The following MFHAS1 variants were observed in gnomAD, a reference collection of about 807,000 sequenced individuals.
MFHAS1 encodes malignant fibrous histiocytoma-amplified sequence 1.
Under a neutral mutation model 70.4 loss-of-function variants are expected in MFHAS1, and 50 were observed. The ratio of observed to expected loss-of-function variants is 0.71; its 90% CI spans 0.57 to 0.90. MFHAS1 has a LOEUF of 0.90. Ranked by LOEUF, MFHAS1 falls within the 40% of genes least tolerant of loss-of-function variation. The pLI, the probability that MFHAS1 is intolerant of heterozygous loss-of-function variation, is 0.00. For missense variants in MFHAS1, 1,795 were observed against 1,347.6 expected, an observed-to-expected ratio of 1.33 and a Z score of -5.20; for synonymous variants, 952 against 620.0, an observed-to-expected ratio of 1.54 and a Z score of -7.96.
intron 1 of MFHAS1, among the ~76,000 whole-genome samples, chr8:8,822,790 G>C (rs1349212260): frequency 6.6e-6 from 1 of 151,014 alleles, no homozygotes; most frequent in Non-Finnish European, 1.5e-5. Flanking sequence ...AACCAAGCCA[G>C]GGGGATTTAG....
At chr8:8,876,878 G>C (rs1033052444) in intron 1 of MFHAS1, among the ~76,000 whole-genome samples, 10 of 151,776 alleles carry the variant, frequency 6.6e-5, no homozygotes, top group Admixed American at 2.0e-4. Context: ...AGGTTGCAGT[G>C]AGCCAAGATC....
intron 1 of MFHAS1, among the ~76,000 whole-genome samples, chr8:8,863,504 ATATT>A (rs1438435890): frequency 6.6e-6 from 1 of 152,122 alleles, no homozygotes; most frequent in Non-Finnish European, 1.5e-5. Context: ...ACTGTTACCT[ATATT>A]TATTACCACG....
At chr8:8,850,563 C>G (rs535089215) in intron 1 of MFHAS1, among the ~76,000 whole-genome samples, 1 of 152,044 alleles carries the variant, frequency 6.6e-6, no homozygotes, top group Admixed American at 6.6e-5. Context: ...CACCCAGGGT[C>G]GGGTGCGGTA....
Position 8,857,769 on chromosome 8 carries a change from A to C in MFHAS1, c.2998+32292T>G, listed in dbSNP as rs564878730. ...AGCAAGACTCCGTCTCAAAAAAAAA[A>C]CAAAAAAAAATCTTTTGTTTGTAAA... On this transcript the variant is annotated intron_variant, in intron 1 of 2. Coordinates refer to ENST00000276282, the MANE Select transcript of MFHAS1 (RefSeq NM_004225.3). Among the ~76,000 whole-genome samples the C allele has an allele frequency of 1.7e-3, 251 of 151,794 alleles. 1 individual carries two copies. The highest frequency in any genetic ancestry group is 2.8e-3 in the Non-Finnish European group (190 of 68,002).
intron 1 of MFHAS1, among the ~76,000 whole-genome samples, chr8:8,876,213 T>C (rs118063554): frequency 0.015 from 2,221 of 152,318 alleles, 26 homozygotes; most frequent in Non-Finnish European, 0.022. Context: ...CCCAGCAGTC[T>C]ACTCCAAGAG....
chr8:8,787,237 C>T (rs186645125), intron 2 of MFHAS1, among the ~76,000 whole-genome samples: 2 of 152,250 alleles, frequency 1.3e-5, no homozygotes, highest in Admixed American at 6.5e-5. Flanking sequence ...CCCGCCACCA[C>T]ACGCGGCTAA....
intron 1 of MFHAS1, among the ~76,000 whole-genome samples, chr8:8,882,645 T>C (rs908520508): frequency 1.3e-5 from 2 of 151,778 alleles, no homozygotes; most frequent in African/African-American, 2.4e-5. Flanking sequence ...AAAATGAGAG[T>C]TTGAGTTCTT....
chr8:8,880,885 G>T (rs191063598), intron 1 of MFHAS1, among the ~76,000 whole-genome samples: 2 of 151,896 alleles, frequency 1.3e-5, no homozygotes, highest in African/African-American at 2.4e-5. Flanking sequence ...AGGGTTCACC[G>T]CATTGGCCAA....
In MFHAS1 at chr8:8,833,276, C is replaced by T. The variant is rs536069511; in HGVS notation, c.2999-35785G>A. Among the ~76,000 whole-genome samples the T allele has an allele frequency of 1.4e-4, 21 of 152,222 alleles. No individual in the cohort carries two copies. The South Asian group carries it at 4.2e-3, about 30-fold the overall frequency. ...ATGAGATTTGTGTGGGGACATAGAT[C>T]CAAATCATATCAGAATGTAATGGTA... On this transcript the variant is annotated intron_variant, in intron 1 of 2. Transcript: ENST00000276282.
At position 8,794,945 on chromosome 8, in the gene MFHAS1, G is replaced by A. The variant is rs111721564; in HGVS notation, c.3125+2420C>T. 6.7e-3 allele frequency among the ~76,000 whole-genome samples: 1,020 copies of A among 152,238 alleles called. 12 individuals carry two copies. The highest frequency in any genetic ancestry group is 0.048 in the South Asian group (233 of 4,818). ...GTTGGTATAAACGTGGTCTTTCTGCGGCAGTACAAGAAGCCCATGGGAAAA... is the reference window on the plus strand; with the variant it reads ...GTTGGTATAAACGTGGTCTTTCTGCAGCAGTACAAGAAGCCCATGGGAAAA... On this transcript the variant is annotated intron_variant, in intron 2 of 2. Transcript: ENST00000276282.
chr8:8,851,992 C>T (rs545389345), intron 1 of MFHAS1, among the ~76,000 whole-genome samples: 6 of 152,248 alleles, frequency 3.9e-5, no homozygotes, highest in African/African-American at 1.4e-4. Flanking sequence ...AGAGCGCTCC[C>T]TCAGGAACAG....
intron 1 of MFHAS1, among the ~76,000 whole-genome samples, chr8:8,824,422 G>C (rs933246930): frequency 2.0e-5 from 3 of 151,796 alleles, no homozygotes. Flanking sequence ...CCCTTAAATG[G>C]CCTGGAACAC....
At position 8,794,745 on chromosome 8, in the gene MFHAS1, C is replaced by T. The variant is rs113579728; in HGVS notation, c.3125+2620G>A. On this transcript the variant is annotated intron_variant, in intron 2 of 2. Coordinates refer to ENST00000276282, the MANE Select transcript of MFHAS1 (RefSeq NM_004225.3). ...TTTCATGAGACTTTTTTTTTAACCT[C>T]TTTCAAAATAAAATGATTCTGATAG... 7.1e-3 allele frequency among the ~76,000 whole-genome samples: 1,085 copies of T among 152,056 alleles called. 14 individuals are homozygous for T. The highest frequency in any genetic ancestry group is 0.025 in the African/African-American group (1,019 of 41,456).
intron 1 of MFHAS1, among the ~76,000 whole-genome samples, chr8:8,853,285 C>G (rs1172339948): frequency 3.9e-5 from 6 of 152,008 alleles, no homozygotes; most frequent in African/African-American, 1.4e-4. Context: ...TCTAGTTCAA[C>G]AGGCGGCAAG....
At chr8:8,863,540 T>C (rs1194660049) in intron 1 of MFHAS1, among the ~76,000 whole-genome samples, 1 of 152,252 alleles carries the variant, frequency 6.6e-6, no homozygotes, top group Admixed American at 6.5e-5. Context: ...CTTGTTCCAC[T>C]GGCCATAACC....
intron 1 of MFHAS1, among the ~76,000 whole-genome samples, chr8:8,853,835 G>C (rs193166577): frequency 2.4e-4 from 37 of 152,238 alleles, no homozygotes; most frequent in African/African-American, 8.4e-4. Context: ...CAAAGTACTA[G>C]GAGCCACCAC....
chr8:8,867,657 A>G (rs1444726805), intron 1 of MFHAS1, among the ~76,000 whole-genome samples: 4 of 151,522 alleles, frequency 2.6e-5, no homozygotes, highest in Non-Finnish European at 5.9e-5. Flanking sequence ...TCCCGGGTTC[A>G]TGCCATTCTC....
At position 8,890,784 on chromosome 8, in the gene MFHAS1, C is replaced by T; in HGVS notation, c.2275G>A (p.Glu759Lys). The change falls in exon 1 of 3, where the codon GAG becomes AAG. Residue 759 changes from glutamate to lysine, a missense_variant. Glu to Lys is a moderately conservative substitution (Grantham distance 56). Coordinates refer to ENST00000276282, the MANE Select transcript of MFHAS1 (RefSeq NM_004225.3). ...GAGCTTTCCCCCTCCGCCTTGCCCTCTCCACTGGTCCCTAGGAGCAGCTTA... is the reference window on the plus strand; with the variant it reads ...GAGCTTTCCCCCTCCGCCTTGCCCTTTCCACTGGTCCCTAGGAGCAGCTTA... ...LHKLLLGTSG[E>K]GKAEGESSPP... 6.2e-7 allele frequency: 1 copy of T among 1,614,146 alleles called. No homozygotes were observed. Among genetic ancestry groups the T allele is most frequent in the Non-Finnish European group, 8.5e-7 (1 of 1,180,018 alleles).
At chr8:8,871,341 G>A (rs763638561) in intron 1 of MFHAS1, among the ~76,000 whole-genome samples, 5 of 152,160 alleles carry the variant, frequency 3.3e-5, no homozygotes, top group Non-Finnish European at 7.3e-5. Context: ...CTTGAGGTCG[G>A]GAGTTTGAGA....
Sources: gnomAD v4.1 joint callset for allele counts (sites outside exome capture counted in the v4.1 genomes callset) on GRCh38, gnomAD v4.1.1 for gene constraint, MANE v1.5 for transcripts, NCBI Gene and HGNC (gene_info 2026-07-23, HGNC 2026-07-21) for gene names.